ERLEC1: variants seen among roughly 807,000 people sequenced by gnomAD.
The protein encoded by ERLEC1 is ER lectin.
In ERLEC1, 47 loss-of-function variants were observed where a neutral mutation model predicts 68.0. The observed-to-expected ratio is 0.69, with a 90% confidence interval of 0.55 to 0.88. The LOEUF is 0.88. ERLEC1 is among the 40% of genes least tolerant of loss of function. The pLI is 0.00. For missense variants in ERLEC1, 567 were observed against 583.8 expected (o/e 0.97, Z 0.30); for synonymous variants, 225 against 203.2 (o/e 1.11, Z -0.91).
At chr2:53,804,956 A>G (rs371436922) in intron 8 of ERLEC1, among the ~76,000 whole-genome samples, 12 of 146,560 alleles carry the variant, frequency 8.2e-5, no homozygotes, top group African/African-American at 2.3e-4. Context: ...ATGATCTCCA[A>G]TTCCATCCAC....
intron 8 of ERLEC1, among the ~76,000 whole-genome samples, chr2:53,803,585 C>T (rs1354151538): frequency 2.1e-5 from 3 of 140,012 alleles, no homozygotes; most frequent in Non-Finnish European, 4.6e-5. Context: ...ACAACTAAAA[C>T]CCTGTCTCTA....
chr2:53,787,401 C>T, intron 1 of ERLEC1, 29 bp downstream of exon 1: 1 of 1,590,010 alleles, frequency 6.3e-7, no homozygotes, highest in Non-Finnish European at 8.6e-7. Context: ...CCCGCAGCCA[C>T]CCCTCCTCCT....
intron 11 of ERLEC1, 117 bp from the exon 12 acceptor site, chr2:53,814,426 G>T (rs1386710261): frequency 3.5e-6 from 2 of 563,882 alleles, no homozygotes; most frequent in African/African-American, 3.8e-5. Flanking sequence ...TTATAGTCAG[G>T]TTTTTTTTTA....
intron 13 of ERLEC1, among the ~76,000 whole-genome samples, chr2:53,816,630 A>G (rs1203802398): frequency 6.6e-6 from 1 of 152,132 alleles, no homozygotes; most frequent in Non-Finnish European, 1.5e-5. Context: ...AATTCAATTT[A>G]TCATTTATTC....
chr2:53,797,588 G>T lies in ERLEC1; in HGVS notation c.422G>T (p.Gly141Val). 1 of 1,610,144 alleles carries T rather than the reference G, an allele frequency of 6.2e-7. No individual in the cohort carries two copies. The highest frequency in any genetic ancestry group is 8.5e-7 in the Non-Finnish European group (1 of 1,178,674). The change falls in exon 4 of 14, where the codon GGT becomes GTT. Residue 141 changes from glycine to valine, a missense_variant. Gly to Val is a moderately radical substitution (Grantham distance 109). Coordinates refer to ENST00000185150, the MANE Select transcript of ERLEC1 (RefSeq NM_015701.5). Reference sequence around the variant, plus strand: ...CAGTACCATGAAGAGAAAGAAACTGGTCAGGTGTGTTTTTCTTCAAAATAT... The same window carrying T: ...CAGTACCATGAAGAGAAAGAAACTGTTCAGGTGTGTTTTTCTTCAAAATAT... ...IRQYHEEKETGQKINIHEYYL... is the reference protein window; with the variant it reads ...IRQYHEEKETVQKINIHEYYL...
intron 10 of ERLEC1, among the ~76,000 whole-genome samples, chr2:53,810,674 C>T (rs896507901): frequency 6.6e-6 from 1 of 152,178 alleles, no homozygotes; most frequent in African/African-American, 2.4e-5. Context: ...ATAGATCATA[C>T]TGGGACAGAC....
chr2:53,793,259 TTGAAG>T (rs930123613), intron 1 of ERLEC1, among the ~76,000 whole-genome samples: 12 of 152,216 alleles, frequency 7.9e-5, no homozygotes. Context: ...GTTGTATTAA[TTGAAG>T]TGTTTATTTG....
intron 8 of ERLEC1, among the ~76,000 whole-genome samples, chr2:53,807,748 T>C (rs1205389907): frequency 1.3e-5 from 2 of 152,166 alleles, no homozygotes; most frequent in African/African-American, 4.8e-5. Flanking sequence ...GGCTTAGGCC[T>C]GTAATCCCAG....
intron 8 of ERLEC1, among the ~76,000 whole-genome samples, chr2:53,803,854 G>A (rs1390033658): frequency 1.3e-5 from 2 of 151,774 alleles, no homozygotes; most frequent in Non-Finnish European, 2.9e-5. Flanking sequence ...CATAGGCCAG[G>A]CACATGGCCC....
chr2:53,815,201 C>A (rs1384233189), intron 13 of ERLEC1, among the ~76,000 whole-genome samples: 2 of 151,098 alleles, frequency 1.3e-5, no homozygotes, highest in Non-Finnish European at 3.0e-5. Context: ...AGACGGGGTT[C>A]CACCATGTTG....
At chr2:53,793,169 A>G (rs75374210) in intron 1 of ERLEC1, among the ~76,000 whole-genome samples, 1 of 152,362 alleles carries the variant, frequency 6.6e-6, no homozygotes, top group Non-Finnish European at 1.5e-5. Context: ...GTCATAAAAC[A>G]CAAAAATCTC....
intron 1 of ERLEC1, among the ~76,000 whole-genome samples, chr2:53,788,115 A>G (rs1016533448): frequency 3.3e-5 from 5 of 152,196 alleles, no homozygotes; most frequent in Admixed American, 3.3e-4. Flanking sequence ...CTGCAGGCTA[A>G]TAAATATTGT....
At chr2:53,805,780 T>A (rs1490352064) in intron 8 of ERLEC1, among the ~76,000 whole-genome samples, 1 of 152,254 alleles carries the variant, frequency 6.6e-6, no homozygotes, top group Non-Finnish European at 1.5e-5. Flanking sequence ...ATACAAGGGT[T>A]ACCTTTCCAC....
chr2:53,811,611 C>A (rs1054364609), intron 10 of ERLEC1, among the ~76,000 whole-genome samples: 2 of 152,130 alleles, frequency 1.3e-5, no homozygotes, highest in African/African-American at 4.8e-5. Context: ...CGTATTAATT[C>A]TTTTAATATT....
chr2:53,797,619 T>A (rs1675783423), intron 4 of ERLEC1, 27 bp downstream of exon 4: 1 of 1,593,442 alleles, frequency 6.3e-7, no homozygotes, highest in Non-Finnish European at 8.6e-7. Flanking sequence ...AATATTATTA[T>A]GAAACATTAT....
In ERLEC1 at chr2:53,814,995, C is replaced by CTTTTTTTTTTTTTTTT. The variant is rs777632156; in HGVS notation, c.1380+66_1380+81dup. 4.1e-4 allele frequency: 193 copies of CTTTTTTTTTTTTTTTT among 470,030 alleles called. 1 individual carries two copies. Among genetic ancestry groups the CTTTTTTTTTTTTTTTT allele is most frequent in the East Asian group, 8.0e-4 (14 of 17,580 alleles). The allele number at this position is 470,030 out of a possible 1,614,324, so 29.1% of individuals were successfully genotyped here. On this transcript the variant is annotated intron_variant, in intron 13 of 13. Transcript: ENST00000185150. ...TTGAGCCATGTTTTAATTTTTTTTT[C>CTTTTTTTTTTTTTTTT]TTTTTTTTTTTTTTTTTTTTTGTTT...
chr2:53,815,599 T>G (rs115449025), intron 13 of ERLEC1, among the ~76,000 whole-genome samples: 82 of 152,298 alleles, frequency 5.4e-4, no homozygotes, highest in African/African-American at 1.9e-3. Context: ...GATACCCATT[T>G]CTGATTTATG....
At chr2:53,814,987 TTTTTTTTC>T in intron 13 of ERLEC1, 52 bp downstream of exon 13, 1 of 1,050,312 alleles carries the variant, frequency 9.5e-7, no homozygotes, top group Non-Finnish European at 1.4e-6. Flanking sequence ...ATGTTTTAAT[TTTTTTTTC>T]TTTTTTTTTT....
chr2:53,815,250 CCCACCTCAGCCTCCCAAAGTG>C (rs1676817647), intron 13 of ERLEC1, among the ~76,000 whole-genome samples: 1 of 151,962 alleles, frequency 6.6e-6, no homozygotes, highest in Admixed American at 6.6e-5. Context: ...AGGTGATCCA[CCCACCTCAGCCTCCCAAAGTG>C]CTGGGATTAC....
Sources: gnomAD v4.1 joint callset for allele counts (sites outside exome capture counted in the v4.1 genomes callset) on GRCh38, gnomAD v4.1.1 for gene constraint, MANE v1.5 for transcripts, NCBI Gene and HGNC (gene_info 2026-07-23, HGNC 2026-07-21) for gene names.